COG3: variants seen among roughly 807,000 people sequenced by gnomAD.
COG3 encodes the protein component of oligomeric golgi complex 3, also known as conserved oligomeric Golgi complex subunit 3.
COG3 carries 32 observed loss-of-function variants against 114.1 expected under a neutral mutation model. That is an observed-to-expected ratio of 0.28 (90% CI 0.21 to 0.38). COG3 has a LOEUF of 0.38. COG3 is among the 10% of genes least tolerant of loss of function. The probability of loss-of-function intolerance (pLI) is 1.00; values close to 1 mark genes in which losing one functional copy is unlikely to be tolerated. For synonymous variants in COG3, 352 were observed against 365.7 expected (o/e 0.96, Z 0.43); for missense variants, 813 against 973.2 (o/e 0.84, Z 2.19).
chr13:45,516,142 G>T lies in COG3; in HGVS notation c.1810-1G>T. On this transcript the variant is annotated splice_acceptor_variant, in intron 16 of 22. Transcript: ENST00000349995. LOFTEE classifies it high-confidence loss of function. ...ATCCATTTTTCTGTCTTATAATTTAGACTCAGATTGATGGACAACTTTTCT... is the reference window on the plus strand; with the variant it reads ...ATCCATTTTTCTGTCTTATAATTTATACTCAGATTGATGGACAACTTTTCT... 1.3e-6 allele frequency: 2 copies of T among 1,557,072 alleles called. No individual in the cohort carries two copies. The highest frequency in any genetic ancestry group is 1.2e-5 in the South Asian group (1 of 82,318).
chr13:45,496,655 C>T (rs1256470575), intron 13 of COG3, among the ~76,000 whole-genome samples: 1 of 151,902 alleles, frequency 6.6e-6, no homozygotes. Flanking sequence ...GGTTGTCTTT[C>T]CTTCAAGTTA....
At chr13:45,495,851 T>G (rs1348373905) in intron 12 of COG3, among the ~76,000 whole-genome samples, 2 of 152,210 alleles carry the variant, frequency 1.3e-5, no homozygotes, top group Non-Finnish European at 2.9e-5. Context: ...TTTCTTAGGC[T>G]TGGTCTGAAG....
At position 45,501,252 on chromosome 13, in the gene COG3, C is replaced by T. The variant is rs145686763; in HGVS notation, c.1489-1992C>T. On this transcript the variant is annotated intron_variant, in intron 13 of 22. Coordinates refer to ENST00000349995, the MANE Select transcript of COG3 (RefSeq NM_031431.4). ...TGAGGGCAAAGTATCTATGTAAATA[C>T]TTGGAACTTCTCTGTAAGGGAGATT... Among the ~76,000 whole-genome samples the T allele has an allele frequency of 3.2e-3, 491 of 152,262 alleles. 5 individuals carry two copies. The highest frequency in any genetic ancestry group is 0.012 in the African/African-American group (481 of 41,526).
chr13:45,474,985 T>G (rs1885770475), intron 1 of COG3, among the ~76,000 whole-genome samples: 1 of 152,216 alleles, frequency 6.6e-6, no homozygotes, highest in Non-Finnish European at 1.5e-5. Flanking sequence ...CTGGTCTTTC[T>G]TTGATAGTGG....
At position 45,524,956 on chromosome 13, in the gene COG3, C is replaced by G. The variant is rs577199055; in HGVS notation, c.2155-20C>G. ...TCATTGATGAAATGAAACTTTTTTT[C>G]TTTTTGTCTCCTCTATTAGGTTTCA... is the stretch of plus-strand genomic sequence containing the variant. On this transcript the variant is annotated intron_variant, in intron 19 of 22. Transcript: ENST00000349995. 7.9e-5 allele frequency: 127 copies of G among 1,603,714 alleles called. 1 individual carries two copies. The South Asian group carries it at 1.4e-3, about 17-fold the overall frequency.
At chr13:45,478,333 A>G (rs1490972570) in intron 2 of COG3, among the ~76,000 whole-genome samples, 15 of 151,326 alleles carry the variant, frequency 9.9e-5, no homozygotes, top group Non-Finnish European at 2.1e-4. Flanking sequence ...CTGGGACTAC[A>G]GGCGCCCGGC....
intron 20 of COG3, among the ~76,000 whole-genome samples, chr13:45,525,516 T>C (rs923752807): frequency 6.6e-6 from 1 of 152,070 alleles, no homozygotes; most frequent in Non-Finnish European, 1.5e-5. Flanking sequence ...ATTGTAAAAA[T>C]TGAGGCGTCA....
chr13:45,498,657 T>C (rs1306890224), intron 13 of COG3, among the ~76,000 whole-genome samples: 2 of 152,092 alleles, frequency 1.3e-5, no homozygotes, highest in Non-Finnish European at 2.9e-5. Flanking sequence ...TGTTTTGTTT[T>C]GTTTTTGGAC....
At chr13:45,529,171 G>GT (rs1299480202) in intron 20 of COG3, among the ~76,000 whole-genome samples, 1 of 152,050 alleles carries the variant, frequency 6.6e-6, no homozygotes, top group African/African-American at 2.4e-5. Flanking sequence ...TTTCTTTGTA[G>GT]TTTTCTAGAT....
intron 16 of COG3, among the ~76,000 whole-genome samples, chr13:45,513,614 A>T (rs1457243980): frequency 6.7e-6 from 1 of 148,668 alleles, no homozygotes; most frequent in South Asian, 2.1e-4. Flanking sequence ...ATAATTTGGG[A>T]TCTTGTTGCT....
intron 1 of COG3, among the ~76,000 whole-genome samples, chr13:45,474,822 A>G (rs1392188741): frequency 6.6e-6 from 1 of 152,206 alleles, no homozygotes; most frequent in Non-Finnish European, 1.5e-5. Context: ...ATCTTGTCTT[A>G]TATCAATGGA....
intron 22 of COG3, 129 bp downstream of exon 22, chr13:45,530,909 G>A (rs1873116093): frequency 7.5e-7 from 1 of 1,326,584 alleles, no homozygotes; most frequent in Middle Eastern, 2.6e-4. Flanking sequence ...TTATTCTGAT[G>A]AGTAAGAATT....
At chr13:45,476,010 T>TTTATA (rs760641715) in intron 1 of COG3, among the ~76,000 whole-genome samples, 191 bp from the exon 2 acceptor site, 116 of 152,194 alleles carry the variant, frequency 7.6e-4, no homozygotes, top group Non-Finnish European at 1.4e-3. Flanking sequence ...CAGTGTCATG[T>TTTATA]TTATATTTTG....
At chr13:45,532,662 C>T (rs920927431) in intron 22 of COG3, among the ~76,000 whole-genome samples, 7 of 149,002 alleles carry the variant, frequency 4.7e-5, no homozygotes, top group African/African-American at 7.5e-5. Context: ...CTCCGCCTCC[C>T]GGGTTCATGC....
chr13:45,498,661 T>A (rs1365590020), intron 13 of COG3, among the ~76,000 whole-genome samples: 1 of 152,082 alleles, frequency 6.6e-6, no homozygotes, highest in Non-Finnish European at 1.5e-5. Flanking sequence ...TTGTTTTGTT[T>A]TTGGACTCTC....
rs763932098 is a variant in COG3 at position 45,496,210 on chromosome 13, G to A, written c.1386G>A (p.Glu462=). 9.3e-6 allele frequency: 15 copies of A among 1,612,836 alleles called. No individual in the cohort carries two copies. The highest frequency in any genetic ancestry group is 1.3e-5 in the Non-Finnish European group (15 of 1,179,312). The change falls in exon 13 of 23, where the codon GAG becomes GAA. Residue 462 remains glutamate (E), a synonymous_variant. Coordinates refer to ENST00000349995, the MANE Select transcript of COG3 (RefSeq NM_031431.4). ...GVKQMLEDVQ[E]RLVYRTHIYI... The stretch of plus-strand genomic sequence containing the variant: ...AGCAGATGTTAGAAGATGTACAGGA[G>A]CGGCTCGTCTACCGAACCCACATCT...
intron 17 of COG3, 52 bp downstream of exon 17, chr13:45,516,315 G>C: frequency 2.8e-6 from 4 of 1,407,790 alleles, no homozygotes; most frequent in Non-Finnish European, 3.8e-6. Flanking sequence ...CTGTCCAGAT[G>C]TGTCAGCACA....
intron 19 of COG3, among the ~76,000 whole-genome samples, chr13:45,523,568 TTAAAGA>T (rs1471130021): frequency 6.6e-6 from 1 of 152,184 alleles, no homozygotes; most frequent in Non-Finnish European, 1.5e-5. Flanking sequence ...GAGGTTTGAC[TTAAAGA>T]TAAGTAAACT....
At chr13:45,517,971 T>C (rs1471335542) in intron 17 of COG3, among the ~76,000 whole-genome samples, 2 of 152,148 alleles carry the variant, frequency 1.3e-5, no homozygotes, top group Non-Finnish European at 2.9e-5. Flanking sequence ...GCAGACAGAA[T>C]CTTTGAGGGA....
Sources: gnomAD v4.1 joint callset for allele counts (sites outside exome capture counted in the v4.1 genomes callset) on GRCh38, gnomAD v4.1.1 for gene constraint, MANE v1.5 for transcripts, NCBI Gene and HGNC (gene_info 2026-07-23, HGNC 2026-07-21) for gene names.